MYH3: variants seen among roughly 807,000 people sequenced by gnomAD.
MYH3 encodes the protein myosin heavy chain 3.
Under a neutral mutation model 238.0 loss-of-function variants are expected in MYH3, and 130 were observed. The observed-to-expected ratio is 0.55, with a 90% CI of 0.47 to 0.63. The LOEUF (loss-of-function observed/expected upper bound fraction) is 0.63. Among genes scored for constraint, MYH3 ranks in the 30% least tolerant of loss-of-function variants. MYH3 has a pLI of 0.00. For synonymous variants in MYH3, 880 were observed against 924.1 expected (o/e 0.95, Z 0.86); for missense variants, 1,853 against 2,374.9 (o/e 0.78, Z 4.57).
chr17:10,645,044 A>ATTT (rs36082575), intron 12 of MYH3, among the ~76,000 whole-genome samples: 7,688 of 146,716 alleles, frequency 0.052, 300 homozygotes, highest in African/African-American at 0.11. Context: ...GCTTCCATCC[A>ATTT]TTTTTTTTTT....
intron 3 of MYH3, among the ~76,000 whole-genome samples, chr17:10,653,003 G>A (rs553962661): frequency 5.3e-5 from 8 of 152,132 alleles, no homozygotes; most frequent in Admixed American, 2.6e-4. Context: ...CCTAGAACAA[G>A]CCCAGCTCAC....
At position 10,637,755 on chromosome 17, in the gene MYH3, G is replaced by A. The variant is rs1351757446; in HGVS notation, c.3856+54C>T. 12 of 1,612,120 alleles carry A rather than the reference G, an allele frequency of 7.4e-6. No homozygotes were observed. The East Asian group carries it at 2.0e-4, about 27-fold the overall frequency. ...CCTGCCCTTGGTTTTGGCCAGCTAC[G>A]CCCATTGGGTGCCAGGAGGTTTTGG... On this transcript the variant is annotated intron_variant, in intron 28 of 40. Transcript: ENST00000583535.
At chr17:10,635,665 C>A (rs548047227) in intron 29 of MYH3, 70 bp downstream of exon 29, 8 of 1,612,698 alleles carry the variant, frequency 5.0e-6, no homozygotes, top group South Asian at 3.3e-5. Flanking sequence ...AATGAAGTTG[C>A]CTTTTATTTT....
Position 10,640,318 on chromosome 17 carries a change from A to G in MYH3, c.2426+15T>C. ...TCCCCAAAGAGCTCATGTCTGAACA[A>G]AGACCCTGCTGGACCTCCTCTGCAC... On this transcript the variant is annotated intron_variant, in intron 21 of 40. Coordinates refer to ENST00000583535, the MANE Select transcript of MYH3 (RefSeq NM_002470.4). 2 of 1,614,230 alleles carry G rather than the reference A, an allele frequency of 1.2e-6. No homozygotes were observed. Among genetic ancestry groups the G allele is most frequent in the Middle Eastern group, 1.6e-4 (1 of 6,062 alleles).
In MYH3 at chr17:10,634,028, T is replaced by G; in HGVS notation, c.4511A>C (p.Lys1504Thr). The change falls in exon 32 of 41, where the codon AAG becomes ACG. Residue 1504 changes from lysine to threonine, a missense_variant. By Grantham distance (78) the Lys-to-Thr change is moderately conservative (BLOSUM62 -1). Around this residue, in one of 3 missense-constraint regions of MYH3, gnomAD observed 1,044 missense variants for 1,192.6 expected, o/e 0.88. Transcript: ENST00000583535. Reference protein sequence around the residue: ...DQLETVKRENKNLEQEIADLT... With the variant: ...DQLETVKRENTNLEQEIADLT... The stretch of plus-strand genomic sequence containing the variant: ...TTCGAATAGCTTACGCTCTAAGTTC[T>G]TATTTTCCCGTTTCACAGTTTCAAG... The G allele has an allele frequency of 1.2e-6, 2 of 1,614,116 alleles. No homozygotes were observed.
At chr17:10,640,730 C>T (rs780263508) in intron 19 of MYH3, 44 bp from the exon 20 acceptor site, 9 of 1,606,356 alleles carry the variant, frequency 5.6e-6, no homozygotes, top group Non-Finnish European at 7.7e-6. Flanking sequence ...TTGGCAAAGA[C>T]ACAAACCTTG....
At chr17:10,653,013 C>G (rs2142427118) in intron 3 of MYH3, among the ~76,000 whole-genome samples, 1 of 152,246 alleles carries the variant, frequency 6.6e-6, no homozygotes, top group East Asian at 1.9e-4. Context: ...GCCCAGCTCA[C>G]AGCGAGAGGA....
At chr17:10,664,238 A>C in the MYH3 span, among the ~76,000 whole-genome samples, 1 of 152,112 alleles carries the variant, frequency 6.6e-6, no homozygotes, top group Non-Finnish European at 1.5e-5. Context: ...TCTGCTAAAG[A>C]TATTGTGAGC....
Position 10,635,869 on chromosome 17 carries a change from A to C in MYH3, c.3857-16T>G. 6.3e-7 allele frequency: 1 copy of C among 1,597,122 alleles called. No individual in the cohort carries two copies. The highest frequency in any genetic ancestry group is 8.6e-7 in the Non-Finnish European group (1 of 1,164,558). The stretch of plus-strand genomic sequence containing the variant: ...CTCAGCTCACCTGTGTCCAGAAGGA[A>C]ATAGTTTCATTTCATTTATTCACTC... On this transcript the variant is annotated splice_polypyrimidine_tract_variant and intron_variant, in intron 28 of 40. Transcript: ENST00000583535.
rs190548571 is a variant in MYH3 at position 10,631,651 on chromosome 17, G to C, written c.5246C>G (p.Ala1749Gly). Residue 1749 changes from alanine (A) to glycine (G), a missense_variant, in exon 36 of 41, where the codon GCA (alanine) becomes GGA (glycine). Around this residue, in one of 3 missense-constraint regions of MYH3, gnomAD observed 1,044 missense variants for 1,192.6 expected, o/e 0.88. Coordinates refer to ENST00000583535, the MANE Select transcript of MYH3 (RefSeq NM_002470.4). ...CTTGGCCTTCTCCTCAGCGTTCCTT[G>C]CATCCCTGCTGGCATCTTCTACCTC... ...QSEVEDASRD[A>G]RNAEEKAKKA... 1.2e-6 allele frequency: 2 copies of C among 1,614,092 alleles called. No homozygotes were observed. The highest frequency in any genetic ancestry group is 3.3e-5 in the Admixed American group (2 of 59,996).
Position 10,654,909 on chromosome 17 carries a change from G to A in MYH3, c.156C>T (p.Ile52=). 1 of 1,614,184 alleles carries A rather than the reference G, an allele frequency of 6.2e-7. No homozygotes were observed. Among genetic ancestry groups the A allele is most frequent in the Non-Finnish European group, 8.5e-7 (1 of 1,180,038 alleles). The part of the protein sequence containing the change: ...DSKEEYAKGK[I]KSSQDGKVTV... The stretch of plus-strand genomic sequence containing the variant: ...TGACCTTCCCATCCTGAGAACTCTT[G>A]ATTTTCCCCTTGGCATATTCTTCCT... Residue 52 remains isoleucine (I), a synonymous_variant, in exon 3 of 41, where the codon ATC becomes ATT. Transcript: ENST00000583535. The surrounding 1 kb of genome is among the most constrained non-coding windows in gnomAD (Gnocchi z 4.5).
At chr17:10,647,569 G>A (rs112516823) in intron 8 of MYH3, 143 bp from the exon 9 acceptor site, 29 of 880,324 alleles carry the variant, frequency 3.3e-5, no homozygotes, top group Middle Eastern at 3.4e-4. Flanking sequence ...TTTTTGAGAC[G>A]GAGTCTCGCT....
At chr17:10,660,854 G>A (rs2074475631), upstream of MYH3, among the ~76,000 whole-genome samples, 1 of 150,876 alleles carries the variant, frequency 6.6e-6, no homozygotes, top group South Asian at 2.1e-4. Context: ...GTGTGGTGGT[G>A]GGTGCCTGTA....
intron 40 of MYH3, among the ~76,000 whole-genome samples, chr17:10,629,199 G>A (rs1416974658): frequency 6.6e-6 from 1 of 152,032 alleles, no homozygotes; most frequent in East Asian, 1.9e-4. Context: ...CCCCGGAAAG[G>A]CCCCGGTGTG....
In MYH3 at chr17:10,634,982, A is replaced by T. The variant is rs758342466; in HGVS notation, c.4214T>A (p.Val1405Asp). Reference protein sequence around the residue: ...AQRLQDSEEQVEAVNAKCASL... With the variant: ...AQRLQDSEEQDEAVNAKCASL... Reference sequence around the variant, plus strand: ...AGCACATTTAGCATTCACTGCCTCAACCTGTTCCTCGGAATCTTGAAGGCG... The same window carrying T: ...AGCACATTTAGCATTCACTGCCTCATCCTGTTCCTCGGAATCTTGAAGGCG... Residue 1405 changes from valine to aspartate, a missense_variant, in exon 31 of 41, where the codon GTT becomes GAT. Transcript: ENST00000583535. 3 of 1,613,782 alleles carry T rather than the reference A, an allele frequency of 1.9e-6. No homozygotes were observed. In the African/African-American group the frequency reaches 4.0e-5, roughly 22 times the overall value.
the MYH3 span, among the ~76,000 whole-genome samples, chr17:10,668,046 G>A: frequency 6.6e-6 from 1 of 152,192 alleles, no homozygotes. Flanking sequence ...CTTAATTCCT[G>A]TCAATTTTGA....
chr17:10,632,121 G>A (rs879607609), intron 34 of MYH3, 105 bp from the exon 35 acceptor site: 6 of 1,353,946 alleles, frequency 4.4e-6, no homozygotes, highest in Non-Finnish European at 6.1e-6. Flanking sequence ...TTTTTGTTTT[G>A]TTTTGTTTTG....
chr17:10,645,661 G>C (rs528749059), intron 12 of MYH3, 46 bp downstream of exon 12: 1 of 1,609,378 alleles, frequency 6.2e-7, no homozygotes, highest in Non-Finnish European at 8.5e-7. Flanking sequence ...AGTGACCTCA[G>C]CAGATCAGCC....
the MYH3 span, chr17:10,677,628 C>T: frequency 6.6e-6 from 1 of 152,202 alleles, no homozygotes; most frequent in Admixed American, 6.5e-5. Context: ...GTAAATCTCA[C>T]CTCTTACACT....
Sources: gnomAD v4.1 joint callset for allele counts (sites outside exome capture counted in the v4.1 genomes callset) on GRCh38, gnomAD v4.1.1 for gene constraint, gnomAD v4.1.1 regional missense constraint, Gnocchi (gnomAD v3.1) non-coding constraint, MANE v1.5 for transcripts, NCBI Gene and HGNC (gene_info 2026-07-23, HGNC 2026-07-21) for gene names.